Variants in KRT6C observed in about 807,000 individuals in gnomAD.
KRT6C encodes keratin, type II cytoskeletal 6C.
Under a neutral mutation model 49.4 loss-of-function variants are expected in KRT6C, and 46 were observed. The observed-to-expected ratio is 0.93, with a 90% confidence interval of 0.74 to 1.19. The LOEUF (loss-of-function observed/expected upper bound fraction) is 1.19. KRT6C is among the 50% of genes most tolerant of loss of function. The pLI, the probability that KRT6C is intolerant of heterozygous loss-of-function variation, is 0.00. For synonymous variants in KRT6C, 236 were observed against 297.1 expected (o/e 0.79, Z 2.12); for missense variants, 552 against 737.5 (o/e 0.75, Z 2.91).
chr12:52,470,087 A>G (rs1565808077), intron 6 of KRT6C, 197 bp from the exon 7 acceptor site: 8 of 696,312 alleles, frequency 1.1e-5, no homozygotes, highest in Middle Eastern at 7.9e-4. Flanking sequence ...CCTTGTATTA[A>G]GCACCCGCAT....
At position 52,471,477 on chromosome 12, in the gene KRT6C, C is replaced by T. The variant is rs1441250573; in HGVS notation, c.856G>A (p.Ala286Thr). 3 of 1,613,700 alleles carry T rather than the reference C, an allele frequency of 1.9e-6. No individual in the cohort carries two copies. The African/African-American group carries it at 4.0e-5, about 22-fold the overall frequency. Reference sequence around the variant, plus strand: ...TCATCTGTGAGAGTGTCTGCCTTGGCTTGCAGTTCAACCTTGTTCATGTAG... The same window carrying T: ...TCATCTGTGAGAGTGTCTGCCTTGGTTTGCAGTTCAACCTTGTTCATGTAG... ...AAYMNKVELQ[A>T]KADTLTDEIN... The change falls in exon 4 of 9, where the codon GCC becomes ACC. Residue 286 changes from alanine (A) to threonine (T), a missense_variant. By Grantham distance (58) the Ala-to-Thr change is moderately conservative. Coordinates refer to ENST00000252250, the MANE Select transcript of KRT6C (RefSeq NM_173086.5).
chr12:52,470,301 C>T lies in KRT6C; in HGVS notation c.1203+204G>A, dbSNP rs143403127. ...GTAACTTTTTACCTGACTGTTGAGACCTGGCCTTGCTTGTGCCTCAGAGGC... is the reference window on the plus strand; with the variant it reads ...GTAACTTTTTACCTGACTGTTGAGATCTGGCCTTGCTTGTGCCTCAGAGGC... On this transcript the variant is annotated intron_variant, in intron 6 of 8. Transcript: ENST00000252250. 2,498 of 855,756 alleles carry T rather than the reference C, an allele frequency of 2.9e-3. 8 individuals carry two copies. Among genetic ancestry groups the T allele is most frequent in the Non-Finnish European group, 3.9e-3 (2,116 of 539,250 alleles). The allele number at this position is 855,756 out of a possible 1,614,324, so 53.0% of individuals were successfully genotyped here. A position where few individuals can be genotyped will look rare whatever the true frequency, so the allele number is the denominator to read the frequency against.
In KRT6C at chr12:52,469,272, A is replaced by G. The variant is rs1405369787; in HGVS notation, c.1485T>C (p.Ser495=). ...NVSVVQSTIS[S]GYGGASGVGS... is the part of the protein sequence containing the mutation. Reference sequence around the variant, plus strand: ...CGACACCGCTGGCACCGCCATAGCCACTGGAGATGGTGGACTGTACTACAG... The same window carrying G: ...CGACACCGCTGGCACCGCCATAGCCGCTGGAGATGGTGGACTGTACTACAG... Residue 495 remains serine (S), a synonymous_variant, in exon 9 of 9, where the codon AGT becomes AGC. Transcript: ENST00000252250. 2 of 1,613,830 alleles carry G rather than the reference A, an allele frequency of 1.2e-6. No individual in the cohort carries two copies. Among genetic ancestry groups the G allele is most frequent in the Non-Finnish European group, 8.5e-7 (1 of 1,179,854 alleles).
At chr12:52,471,554 C>T (rs1258878162) in intron 3 of KRT6C, 38 bp from the exon 4 acceptor site, 2 of 1,607,484 alleles carry the variant, frequency 1.2e-6, no homozygotes, top group Non-Finnish European at 1.7e-6. Context: ...TACCTGAGCT[C>T]ACCTTTCCAA....
At chr12:52,469,613 T>C in intron 7 of KRT6C, 57 bp downstream of exon 7, 1 of 1,614,026 alleles carries the variant, frequency 6.2e-7, no homozygotes, top group Non-Finnish European at 8.5e-7. Context: ...TTGTGCTCAG[T>C]GCCAGGAACC....
chr12:52,469,592 G>A (rs1937835539), intron 7 of KRT6C, 78 bp downstream of exon 7: 37 of 1,613,192 alleles, frequency 2.3e-5, no homozygotes, highest in Non-Finnish European at 3.1e-5. Context: ...CATGAGCAGT[G>A]CACCCTAGAA....
chr12:52,468,949 C>T lies in KRT6C; in HGVS notation c.*113G>A. The T allele has an allele frequency of 1.4e-6, 2 of 1,389,150 alleles. No homozygotes were observed. The highest frequency in any genetic ancestry group is 2.5e-5 in the South Asian group (2 of 79,230). The allele number at this position is 1,389,150 out of a possible 1,614,324, so 86.1% of individuals were successfully genotyped here. On this transcript the variant is annotated 3_prime_UTR_variant, in exon 9 of 9. Coordinates refer to ENST00000252250, the MANE Select transcript of KRT6C (RefSeq NM_173086.5). ...CACTAAGCATCCATACCCAGCTCTA[C>T]CTCGGAGAGCAGGGAAGACTAGAGG...
At position 52,469,197 on chromosome 12, in the gene KRT6C, A is replaced by T; in HGVS notation, c.1560T>A (p.Gly520=). Residue 520 remains glycine (G), a synonymous_variant, in exon 9 of 9, where the codon GGT becomes GGA. Coordinates refer to ENST00000252250, the MANE Select transcript of KRT6C (RefSeq NM_173086.5). ...AACTGAAGCCACCTCCAATGCCAAG[A>T]CCACTGCCATAGGAGTAGCTGCTTC... The part of the protein sequence containing the change: ...GGGSSYSYGS[G]LGIGGGFSSS... 3 of 1,613,758 alleles carry T rather than the reference A, an allele frequency of 1.9e-6. No individual in the cohort carries two copies. The highest frequency in any genetic ancestry group is 2.5e-6 in the Non-Finnish European group (3 of 1,179,680).
In KRT6C at chr12:52,471,163, C is replaced by T. The variant is rs199836454; in HGVS notation, c.1046G>A (p.Arg349Gln). Reference protein sequence around the residue: ...AQYEEIAQRSRAEAESWYQTK... With the variant: ...AQYEEIAQRSQAEAESWYQTK... ...CTGGTACCAGGACTCAGCCTCAGCC[C>T]GGCTCCTCTGAGCAATCTCCTCGTA... is the stretch of plus-strand genomic sequence containing the variant. The change falls in exon 5 of 9, where the codon CGG becomes CAG. Residue 349 changes from arginine to glutamine, a missense_variant. Around this residue, in one of 3 missense-constraint regions of KRT6C, gnomAD observed 425 missense variants for 439.4 expected, o/e 0.97. Transcript: ENST00000252250. 5.1e-5 allele frequency: 82 copies of T among 1,614,034 alleles called. 1 individual carries two copies. The highest frequency in any genetic ancestry group is 5.1e-4 in the South Asian group (46 of 91,080).
At chr12:52,470,285 TACCTGAC>T in intron 6 of KRT6C, 1 of 745,856 alleles carries the variant, frequency 1.3e-6, no homozygotes, top group Admixed American at 2.4e-5. Flanking sequence ...GGTAACTTTT[TACCTGAC>T]TGTTGAGACC....
At position 52,473,539 on chromosome 12, in the gene KRT6C, AG is replaced by A. The variant is rs769993107; in HGVS notation, c.198del (p.Ser67ProfsTer79). Reference sequence around the variant, plus strand: ...CCCCCTCCAATGGAGATCCTCTTGGAGCCCCCCAGGCCATACAGACTGCGGC... The same window carrying A: ...CCCCCTCCAATGGAGATCCTCTTGGACCCCCCAGGCCATACAGACTGCGGC... ...FGSRSLYGLG[G>X]SKRISIGGGS... On this transcript the variant is annotated frameshift_variant, in exon 1 of 9. Coordinates refer to ENST00000252250, the MANE Select transcript of KRT6C (RefSeq NM_173086.5). LOFTEE classifies it high-confidence loss of function. The A allele has an allele frequency of 6.4e-7, 1 of 1,570,662 alleles. No individual in the cohort carries two copies. The highest frequency in any genetic ancestry group is 8.7e-7 in the Non-Finnish European group (1 of 1,152,224).
chr12:52,471,093 A>G (rs1403745740), intron 5 of KRT6C, 39 bp downstream of exon 5: 73 of 1,613,978 alleles, frequency 4.5e-5, no homozygotes, highest in Non-Finnish European at 6.2e-5. Context: ...TCCAGGATGG[A>G]CACAAGGATT....
rs1421140986 is a variant in KRT6C, at chr12:52,470,395, C to T, written c.1203+110G>A. Reference sequence around the variant, plus strand: ...GAGGGCAAGAACTACACATGTTCCTCACCCTAGTGTTGGTTTACGTTTCAG... The same window carrying T: ...GAGGGCAAGAACTACACATGTTCCTTACCCTAGTGTTGGTTTACGTTTCAG... On this transcript the variant is annotated intron_variant, in intron 6 of 8. Transcript: ENST00000252250. 3 of 1,579,606 alleles carry T rather than the reference C, an allele frequency of 1.9e-6. No individual in the cohort carries two copies. The East Asian group carries it at 6.7e-5, about 35-fold the overall frequency.
intron 6 of KRT6C, chr12:52,470,116 T>G (rs1376350269): frequency 3.1e-6 from 2 of 644,604 alleles, no homozygotes; most frequent in Non-Finnish European, 2.7e-6. Flanking sequence ...GCGTTGCATC[T>G]TATGGGAGAC....
chr12:52,470,021 T>G, intron 6 of KRT6C, 131 bp from the exon 7 acceptor site: 2 of 1,085,350 alleles, frequency 1.8e-6, no homozygotes, highest in Non-Finnish European at 2.7e-6. Context: ...TGTCCAGTAT[T>G]TCTCCATTTG....
At chr12:52,469,336 T>C in intron 8 of KRT6C, 39 bp from the exon 9 acceptor site, 1 of 1,614,008 alleles carries the variant, frequency 6.2e-7, no homozygotes, top group Non-Finnish European at 8.5e-7. Context: ...GAAGCCACGG[T>C]GAGCTCATCC....
At position 52,472,133 on chromosome 12, in the gene KRT6C, C is replaced by G. The variant is rs144527967; in HGVS notation, c.688G>C (p.Gly230Arg). The change falls in exon 2 of 9, where the codon GGG (glycine) becomes CGG (arginine). Residue 230 changes from glycine (G) to arginine (R), a missense_variant. By Grantham distance (125) the Gly-to-Arg change is moderately radical. Coordinates refer to ENST00000252250, the MANE Select transcript of KRT6C (RefSeq NM_173086.5). The part of the protein sequence containing the change: ...NLRRQLDSIV[G>R]ERGRLDSELR... ...TCCGAGTCCAGGCGGCCCCGTTCCC[C>G]GACGATGCTGTCCAGCTGCCTCCTG... is the stretch of plus-strand genomic sequence containing the variant. 1 of 1,547,556 alleles carries G rather than the reference C, an allele frequency of 6.5e-7. No individual in the cohort carries two copies. Among genetic ancestry groups the G allele is most frequent in the Non-Finnish European group, 8.9e-7 (1 of 1,127,620 alleles).
Position 52,469,423 on chromosome 12 carries a change from G to A in KRT6C, c.1447C>T (p.Gln483Ter), listed in dbSNP as rs145485697. The A allele has an allele frequency of 6.2e-7, 1 of 1,613,976 alleles. No individual in the cohort carries two copies. Among genetic ancestry groups the A allele is most frequent in the African/African-American group, 1.3e-5 (1 of 75,048 alleles). ...CAAAGGTACTTACAGACGTTGACTT[G>A]TCCAACGCCTTCGCCATTCAGCCTG... ...ECRLNGEGVG[Q>*]VNVSVVQSTI... Residue 483 changes from glutamine (Q) to a stop codon, truncating the protein, a stop_gained, in exon 8 of 9, where the codon CAA (glutamine) becomes TAA (stop). Transcript: ENST00000252250. LOFTEE classifies it high-confidence loss of function.
chr12:52,471,346 G>A (rs377484179), intron 4 of KRT6C, 50 bp from the exon 5 acceptor site: 239 of 1,614,214 alleles, frequency 1.5e-4, no homozygotes, highest in African/African-American at 1.3e-3. Context: ...CATTTACAGA[G>A]ATACCCAACC....
Sources: allele counts gnomAD v4.1 joint callset, GRCh38; gene constraint gnomAD v4.1.1; regional missense constraint gnomAD v4.1.1; transcripts MANE v1.5; gene names NCBI Gene and HGNC (gene_info 2026-07-23, HGNC 2026-07-21).